The following LOC131768270 variants were observed in gnomAD, a reference collection of about 807,000 sequenced individuals.
At chr5:140,568,162 C>T in the LOC131768270 span, 1 of 1,613,728 alleles carries the variant, frequency 6.2e-7, no homozygotes, top group East Asian at 2.2e-5. Context: ...CAACTTCCAC[C>T]CTGATTCCGG....
chr5:140,568,122 G>C, the LOC131768270 span: 1 of 1,613,574 alleles, frequency 6.2e-7, no homozygotes, highest in Non-Finnish European at 8.5e-7. Context: ...CTGGCCATGC[G>C]CCTGTACTAT....
the LOC131768270 span, chr5:140,567,241 C>A: frequency 1.2e-6 from 2 of 1,614,202 alleles, no homozygotes; most frequent in Non-Finnish European, 1.7e-6. Context: ...TGATGCTACT[C>A]CTATCCACTG....
the LOC131768270 span, chr5:140,564,982 G>A: frequency 5.0e-6 from 2 of 399,348 alleles, no homozygotes; most frequent in Non-Finnish European, 8.8e-6. This position sits in a 1 kb window ranked among gnomAD's most constrained non-coding sequence, Gnocchi z 5.0. Context: ...TTCTTCTGCG[G>A]CTCCTGTCAA....
chr5:140,566,573 G>A, the LOC131768270 span: 1 of 422,310 alleles, frequency 2.4e-6, no homozygotes, highest in Non-Finnish European at 4.2e-6. Flanking sequence ...AGGATGGCTC[G>A]CTGTTGTCCT....
the LOC131768270 span, chr5:140,567,464 A>G: frequency 6.2e-7 from 1 of 1,614,134 alleles, no homozygotes; most frequent in Non-Finnish European, 8.5e-7. Context: ...CTATGGCGCT[A>G]ACAACAACCT....
the LOC131768270 span, chr5:140,564,854 A>G: frequency 7.7e-5 from 31 of 404,446 alleles, no homozygotes; most frequent in Non-Finnish European, 1.2e-4. This position sits in a 1 kb window ranked among gnomAD's most constrained non-coding sequence, Gnocchi z 5.0. Context: ...ATGGCGGATG[A>G]CAAGGTGAGT....
At chr5:140,566,959 G>A in the LOC131768270 span, 1 of 751,982 alleles carries the variant, frequency 1.3e-6, no homozygotes, top group South Asian at 1.5e-5. Context: ...CTAGCTCCAT[G>A]GGACTCGCCC....
chr5:140,564,871 G>C, the LOC131768270 span: 4 of 406,296 alleles, frequency 9.8e-6, no homozygotes, highest in Admixed American at 4.3e-5. This position sits in a 1 kb window ranked among gnomAD's most constrained non-coding sequence, Gnocchi z 5.0. Context: ...GAGTGGCCGT[G>C]GGGGTGATCT....
chr5:140,565,545 GAGT>G, the LOC131768270 span: 3 of 180,810 alleles, frequency 1.7e-5, no homozygotes, highest in Non-Finnish European at 3.4e-5. Flanking sequence ...GCTCATAATG[GAGT>G]CAGTAGTGGT....
the LOC131768270 span, chr5:140,568,496 G>C: frequency 3.3e-6 from 1 of 302,748 alleles, no homozygotes; most frequent in African/African-American, 2.2e-5. Flanking sequence ...GTTGATGAAA[G>C]TGGGGTGTGG....
At chr5:140,567,644 G>A in the LOC131768270 span, 1 of 1,614,116 alleles carries the variant, frequency 6.2e-7, no homozygotes, top group Admixed American at 1.7e-5. Flanking sequence ...CTATGCAGCA[G>A]GGGGCCTTCA....
the LOC131768270 span, chr5:140,565,593 C>T: frequency 4.2e-6 from 1 of 236,652 alleles, no homozygotes; most frequent in Non-Finnish European, 8.1e-6. Flanking sequence ...CCCTAGCTGT[C>T]CCTCCTGCCT....
chr5:140,567,573 G>A, the LOC131768270 span: 196 of 1,614,170 alleles, frequency 1.2e-4, no homozygotes, highest in African/African-American at 1.3e-3. Context: ...CTCTGCCTCC[G>A]GCACCGCCTC....
At chr5:140,568,497 T>C in the LOC131768270 span, 1 of 301,936 alleles carries the variant, frequency 3.3e-6, no homozygotes, top group Non-Finnish European at 6.6e-6. Context: ...TTGATGAAAG[T>C]GGGGTGTGGG....
At chr5:140,567,303 G>A in the LOC131768270 span, 11,382 of 1,614,140 alleles carry the variant, frequency 7.1e-3, 640 homozygotes, top group African/African-American at 0.12. Flanking sequence ...GTGGACGGCC[G>A]AGTGCCCTTC....
At chr5:140,565,955 A>G in the LOC131768270 span, 16 of 398,880 alleles carry the variant, frequency 4.0e-5, no homozygotes, top group African/African-American at 1.2e-4. Flanking sequence ...GACGAAGTCA[A>G]CAGTGGAGTG....
the LOC131768270 span, chr5:140,564,903 T>C: frequency 2.7e-5 from 11 of 403,424 alleles, 1 homozygote; most frequent in Non-Finnish European, 4.4e-6. This position sits in a 1 kb window ranked among gnomAD's most constrained non-coding sequence, Gnocchi z 5.0. Context: ...TGGTCTTCAC[T>C]CTCCTTGACC....
the LOC131768270 span, chr5:140,567,536 A>G: frequency 8.1e-6 from 13 of 1,614,116 alleles, no homozygotes; most frequent in African/African-American, 1.6e-4. Context: ...TAATCTCAAG[A>G]TTGGAAGCAC....
chr5:140,567,937 G>C, the LOC131768270 span: 9 of 1,614,196 alleles, frequency 5.6e-6, no homozygotes, highest in Non-Finnish European at 6.8e-6. Context: ...CAGCACTCGT[G>C]GTGCTGAGCC....
Sources: gnomAD v4.1 joint callset for allele counts on GRCh38, gnomAD v4.1.1 for gene constraint, Gnocchi (gnomAD v3.1) non-coding constraint, MANE v1.5 for transcripts.